Variants in PLEKHA3 observed in about 807,000 individuals in gnomAD.
PLEKHA3 encodes the protein pleckstrin homology domain-containing family A member 3.
PLEKHA3 carries 19 observed loss-of-function variants against 39.2 expected under a neutral mutation model. The observed-to-expected ratio is 0.48, with a 90% CI of 0.34 to 0.71. PLEKHA3 has a LOEUF of 0.71. Ranked by LOEUF, PLEKHA3 falls within the 30% of genes least tolerant of loss-of-function variation. The probability of loss-of-function intolerance (pLI) is 0.01; values close to 1 mark genes in which losing one functional copy is unlikely to be tolerated. For missense variants in PLEKHA3, 253 were observed against 359.5 expected (o/e 0.70, Z 2.40); for synonymous variants, 97 against 118.6 (o/e 0.82, Z 1.18).
chr2:178,481,015 G>A (rs1685154104), intron 1 of PLEKHA3, 106 bp downstream of exon 1: 1 of 1,065,582 alleles, frequency 9.4e-7, no homozygotes, highest in Non-Finnish European at 1.2e-6. Flanking sequence ...CCCTCAGAGC[G>A]AATTCGCTCT....
chr2:178,500,237 G>A (rs1262644734), intron 6 of PLEKHA3, among the ~76,000 whole-genome samples: 1 of 151,950 alleles, frequency 6.6e-6, no homozygotes, highest in Non-Finnish European at 1.5e-5. Flanking sequence ...GTTTTGTCAT[G>A]TTTTAATTTT....
rs1332644805 is a variant in PLEKHA3 at position 178,504,413 on chromosome 2, C to A, written c.*526C>A. ...ATTCTAAGTATCTTTAGCCCAAATA[C>A]CATGACATATTGAGCATCTTTAAAT... On this transcript the variant is annotated 3_prime_UTR_variant, in exon 8 of 8. Coordinates refer to ENST00000234453, the MANE Select transcript of PLEKHA3 (RefSeq NM_019091.4). 1 of 152,694 alleles carries A rather than the reference C, an allele frequency of 6.5e-6. No homozygotes were observed. The highest frequency in any genetic ancestry group is 2.4e-5 in the African/African-American group (1 of 41,420). The allele number at this position is 152,694 out of a possible 1,614,324, so 9.5% of individuals were successfully genotyped here.
chr2:178,488,872 T>G, intron 2 of PLEKHA3: 1 of 350,778 alleles, frequency 2.9e-6, no homozygotes, highest in Non-Finnish European at 5.8e-6. Context: ...GATATTTAAT[T>G]TCTCTCAGTA....
At position 178,512,773 on chromosome 2, in the gene PLEKHA3, T is replaced by C. The variant is rs1439589207; in HGVS notation, c.*8886T>C. The C allele has an allele frequency of 6.5e-6, 1 of 153,794 alleles. No homozygotes were observed. The highest frequency in any genetic ancestry group is 2.4e-5 in the African/African-American group (1 of 41,470). 9.5% of individuals were successfully genotyped at this position (153,794 alleles called of 1,614,324 possible). Reference sequence around the variant, plus strand: ...CTGCCATCTTTTTCTCCCAGCACTCTGGACTTAAAATTCTGAGAGAACAGG... The same window carrying C: ...CTGCCATCTTTTTCTCCCAGCACTCCGGACTTAAAATTCTGAGAGAACAGG... On this transcript the variant is annotated 3_prime_UTR_variant, in exon 8 of 8. Transcript: ENST00000234453.
Position 178,503,870 on chromosome 2 carries a change from C to G in PLEKHA3, c.886C>G (p.Pro296Ala). Residue 296 changes from proline (P) to alanine (A), a missense_variant, in exon 8 of 8, where the codon CCA (proline) becomes GCA (alanine). Pro to Ala is a conservative substitution (Grantham distance 27). Transcript: ENST00000234453. ...KKQSESEDTL[P>A]SFSS Reference sequence around the variant, plus strand: ...ACAATCTGAATCAGAAGATACTCTTCCATCCTTCTCTTCCTGAAGAAACTG... The same window carrying G: ...ACAATCTGAATCAGAAGATACTCTTGCATCCTTCTCTTCCTGAAGAAACTG... 5.0e-6 allele frequency: 8 copies of G among 1,611,480 alleles called. No homozygotes were observed. The highest frequency in any genetic ancestry group is 6.8e-6 in the Non-Finnish European group (8 of 1,178,050).
At chr2:178,489,050 A>C (rs1207269847) in intron 2 of PLEKHA3, 2 of 415,256 alleles carry the variant, frequency 4.8e-6, no homozygotes, top group Admixed American at 6.9e-5. Flanking sequence ...TTTTAGTTTC[A>C]TCTTGTAGCA....
chr2:178,482,537 A>G (rs1035151110), intron 1 of PLEKHA3, among the ~76,000 whole-genome samples: 1 of 143,788 alleles, frequency 7.0e-6, no homozygotes, highest in African/African-American at 2.7e-5. Context: ...TGGCTAACAG[A>G]GCGAGATCCT....
intron 6 of PLEKHA3, among the ~76,000 whole-genome samples, chr2:178,499,780 C>T (rs995890172): frequency 2.1e-4 from 32 of 152,132 alleles, no homozygotes; most frequent in Admixed American, 6.5e-5. Flanking sequence ...TGTGTAAGCA[C>T]GCTCTGTGAT....
chr2:178,495,750 G>T, intron 5 of PLEKHA3, 90 bp downstream of exon 5: 1 of 1,391,536 alleles, frequency 7.2e-7, no homozygotes. Context: ...AAGGGTGGAA[G>T]CAGGCAGTTG....
At chr2:178,486,093 T>C (rs1275769475) in intron 2 of PLEKHA3, among the ~76,000 whole-genome samples, 1 of 152,198 alleles carries the variant, frequency 6.6e-6, no homozygotes, top group Non-Finnish European at 1.5e-5. Context: ...TAGAAAGATA[T>C]TGTAAAAGTT....
intron 6 of PLEKHA3, 119 bp from the exon 7 acceptor site, chr2:178,500,942 G>T: frequency 1.5e-6 from 1 of 687,190 alleles, no homozygotes; most frequent in Non-Finnish European, 2.6e-6. Context: ...GCTAACACGG[G>T]ACGTTGAGCA....
chr2:178,482,206 A>G (rs374035165), intron 1 of PLEKHA3, among the ~76,000 whole-genome samples: 3 of 152,186 alleles, frequency 2.0e-5, no homozygotes, highest in Non-Finnish European at 4.4e-5. Context: ...CATTTTGGCC[A>G]TTGTGAGAGC....
At chr2:178,493,321 T>A (rs1028344197) in intron 3 of PLEKHA3, among the ~76,000 whole-genome samples, 1 of 152,142 alleles carries the variant, frequency 6.6e-6, no homozygotes, top group East Asian at 1.9e-4. Context: ...AAACAATAGT[T>A]TTAATTACAT....
At position 178,511,527 on chromosome 2, in the gene PLEKHA3, C is replaced by G. The variant is rs1575150002; in HGVS notation, c.*7640C>G. ...TAGCTGGGACTGTAGGCACGCACCA[C>G]CATGCCCAGCTGATGTTTTGTATTT... On this transcript the variant is annotated 3_prime_UTR_variant, in exon 8 of 8. Transcript: ENST00000234453. 6.6e-6 allele frequency: 1 copy of G among 152,356 alleles called. No individual in the cohort carries two copies. The highest frequency in any genetic ancestry group is 1.5e-5 in the Non-Finnish European group (1 of 68,064). 9.4% of individuals were successfully genotyped at this position (152,356 alleles called of 1,614,324 possible). A position where few individuals can be genotyped will look rare whatever the true frequency, so the allele number is the denominator to read the frequency against.
At position 178,480,514 on chromosome 2, in the gene PLEKHA3, A is replaced by C. The variant is rs1685137079; in HGVS notation, c.-356A>C. 1.1e-5 allele frequency: 2 copies of C among 180,868 alleles called. No homozygotes were observed. The highest frequency in any genetic ancestry group is 6.2e-5 in the Admixed American group (1 of 16,002). 11.2% of individuals were successfully genotyped at this position (180,868 alleles called of 1,614,324 possible). On this transcript the variant is annotated 5_prime_UTR_variant, in exon 1 of 8. Transcript: ENST00000234453. The stretch of plus-strand genomic sequence containing the variant: ...GAAAACAAACGGGGAGCCCAGGGGG[A>C]AGGAAGGCAGGCGAGGAAGAGGCAG...
intron 5 of PLEKHA3, among the ~76,000 whole-genome samples, 199 bp from the exon 6 acceptor site, chr2:178,499,012 A>G (rs1482686372): frequency 2.6e-5 from 4 of 152,186 alleles, no homozygotes; most frequent in Non-Finnish European, 4.4e-5. Context: ...AAAGATTCCA[A>G]TTAATGGTTA....
rs1685597810 is a variant in PLEKHA3 at position 178,506,108 on chromosome 2, T to G, written c.*2221T>G. ...AATTTTAAGAAAAAGATGAACCATA[T>G]AACAATTCTGTAAGAATTTTAGCTT... On this transcript the variant is annotated 3_prime_UTR_variant, in exon 8 of 8. Transcript: ENST00000234453. 1 of 152,174 alleles carries G rather than the reference T, an allele frequency of 6.6e-6. No homozygotes were observed. The highest frequency in any genetic ancestry group is 1.5e-5 in the Non-Finnish European group (1 of 68,016). The allele number at this position is 152,174 out of a possible 1,614,324, so 9.4% of individuals were successfully genotyped here. A position where few individuals can be genotyped will look rare whatever the true frequency, so the allele number is the denominator to read the frequency against.
intron 5 of PLEKHA3, among the ~76,000 whole-genome samples, chr2:178,498,407 A>G (rs79276358): frequency 0.021 from 3,157 of 152,288 alleles, 55 homozygotes; most frequent in East Asian, 0.04. Flanking sequence ...CATAACATCA[A>G]TGTTAGACCT....
rs533352265 is a variant in PLEKHA3 at position 178,490,173 on chromosome 2, G to A, written c.158-486G>A. Among the ~76,000 whole-genome samples, 29 of 152,280 alleles carry A rather than the reference G, an allele frequency of 1.9e-4. 1 individual carries two copies. Among genetic ancestry groups the A allele is most frequent in the South Asian group, 4.1e-4 (2 of 4,826 alleles). ...TTCAAAATATACATGCCTTCCATGT[G>A]TTATGCTATGATCCATAATTAAGGG... On this transcript the variant is annotated intron_variant, in intron 2 of 7. Coordinates refer to ENST00000234453, the MANE Select transcript of PLEKHA3 (RefSeq NM_019091.4).
Sources: allele counts gnomAD v4.1 joint callset (sites outside exome capture counted in the v4.1 genomes callset), GRCh38; gene constraint gnomAD v4.1.1; transcripts MANE v1.5; gene names NCBI Gene and HGNC (gene_info 2026-07-23, HGNC 2026-07-21).